Variants in HHATL observed in about 807,000 individuals in gnomAD.
The protein encoded by HHATL is hedgehog acyltransferase like, also known as protein-cysteine N-palmitoyltransferase HHAT-like protein.
A neutral mutation model predicts 59.7 loss-of-function variants in HHATL; 49 were observed. That is an observed-to-expected ratio of 0.82 (90% CI 0.65 to 1.04). The LOEUF is 1.04. Among genes scored for constraint, HHATL ranks in the 50% least tolerant of loss-of-function variants. HHATL has a pLI of 0.00. For missense variants in HHATL, 605 were observed against 650.8 expected, an observed-to-expected ratio of 0.93 and a Z score of 0.77; for synonymous variants, 238 against 257.3, an observed-to-expected ratio of 0.93 and a Z score of 0.72.
At chr3:42,699,198 A>G (rs1287465304) in intron 3 of HHATL, 53 bp from the exon 4 acceptor site, 6 of 1,332,068 alleles carry the variant, frequency 4.5e-6, no homozygotes, top group African/African-American at 4.3e-5. Flanking sequence ...GGGAGAGGGG[A>G]CAGGACGAGC....
chr3:42,699,196 G>T (rs368912859), intron 3 of HHATL, 51 bp from the exon 4 acceptor site: 53 of 1,350,612 alleles, frequency 3.9e-5, no homozygotes, highest in Non-Finnish European at 4.7e-5. Flanking sequence ...GTGGGAGAGG[G>T]GACAGGACGA....
At position 42,693,629 on chromosome 3, in the gene HHATL, T is replaced by A; in HGVS notation, c.1236A>T (p.Leu412=). 1 of 1,613,970 alleles carries A rather than the reference T, an allele frequency of 6.2e-7. No homozygotes were observed. The highest frequency in any genetic ancestry group is 8.5e-7 in the Non-Finnish European group (1 of 1,179,942). ...CTTCCCTGCTCACCTCAATTCGTGC[T>A]AGGGGCCCCCACTCTGCCAGTTTTT... The part of the protein sequence containing the change: ...WMQKLAEWGP[L]ARIEASLSVQ... Residue 412 remains leucine, a synonymous_variant, in exon 10 of 12, where the codon CTA becomes CTT. Transcript: ENST00000441594.
chr3:42,701,751 GC>G lies in HHATL; in HGVS notation c.-14+827del, dbSNP rs1374950794. ...CTAGCACCTTTACCCTTCCTATCCC[GC>G]TTCAGCCTGGCTCAGGGGCTTCCCA... On this transcript the variant is annotated intron_variant, in intron 1 of 11. Transcript: ENST00000441594. This position sits in a 1 kb window ranked among gnomAD's most constrained non-coding sequence, Gnocchi z 5.1. Among the ~76,000 whole-genome samples the G allele has an allele frequency of 6.6e-6, 1 of 152,186 alleles. No individual in the cohort carries two copies. Among genetic ancestry groups the G allele is most frequent in the African/African-American group, 2.4e-5 (1 of 41,444 alleles).
intron 2 of HHATL, 39 bp from the exon 3 acceptor site, chr3:42,699,864 C>T (rs1180330072): frequency 6.6e-7 from 1 of 1,509,476 alleles, no homozygotes; most frequent in Middle Eastern, 1.7e-4. Flanking sequence ...GGGGCCTTCA[C>T]ATCCCCTGCC....
Position 42,692,689 on chromosome 3 carries a change from C to T in HHATL, c.*62G>A, listed in dbSNP as rs951357054. Reference sequence around the variant, plus strand: ...GTTGTAGAAAAGTCTTTTATTCTATCGGTCAGGCCCCATCTGGCCCAAGAA... The same window carrying T: ...GTTGTAGAAAAGTCTTTTATTCTATTGGTCAGGCCCCATCTGGCCCAAGAA... On this transcript the variant is annotated 3_prime_UTR_variant, in exon 12 of 12. Transcript: ENST00000441594. The T allele has an allele frequency of 3.7e-6, 6 of 1,609,540 alleles. No homozygotes were observed. The highest frequency in any genetic ancestry group is 2.7e-5 in the African/African-American group (2 of 74,754).
At chr3:42,694,113 T>C (rs529279548) in intron 9 of HHATL, 1 of 439,736 alleles carries the variant, frequency 2.3e-6, no homozygotes, top group African/African-American at 2.0e-5. Context: ...TTTAGCCCAG[T>C]CTCTCCTGAT....
At position 42,697,183 on chromosome 3, in the gene HHATL, G is replaced by A. The variant is rs140864048; in HGVS notation, c.866-38C>T. The A allele has an allele frequency of 3.6e-4, 542 of 1,506,050 alleles. 3 individuals are homozygous for A. In the African/African-American group the frequency reaches 5.5e-3, roughly 15 times the overall value. 93.3% of individuals were successfully genotyped at this position (1,506,050 alleles called of 1,614,324 possible). On this transcript the variant is annotated intron_variant, in intron 7 of 11. Transcript: ENST00000441594. ...CACTGTCACTGCCTGGGGTCCAATC[G>A]CCTGGGGCCTGCCCCCATGAAGACC...
chr3:42,698,779 G>A lies in HHATL; in HGVS notation c.412C>T (p.Pro138Ser). 6.2e-7 allele frequency: 1 copy of A among 1,612,522 alleles called. No homozygotes were observed. The highest frequency in any genetic ancestry group is 8.5e-7 in the Non-Finnish European group (1 of 1,179,474). Residue 138 changes from proline to serine, a missense_variant, in exon 5 of 12, where the codon CCC becomes TCC. Transcript: ENST00000441594. ...AAGCCAAGGCCAAGACAGAGCCAGG[G>A]CTGGCCCAAAAGCGAGGCCACATAG... is the stretch of plus-strand genomic sequence containing the variant. Reference protein sequence around the residue: ...GLYVASLLGQPWLCLGLGLAS... With the variant: ...GLYVASLLGQSWLCLGLGLAS...
Position 42,696,877 on chromosome 3 carries a change from C to T in HHATL, c.1011G>A (p.Thr337=). 6.2e-7 allele frequency: 1 copy of T among 1,614,160 alleles called. No individual in the cohort carries two copies. The highest frequency in any genetic ancestry group is 8.5e-7 in the Non-Finnish European group (1 of 1,180,004). ...AGTCGTTGATGCCACGGTCAAAGTG[C>T]CTGTAAGAGGAAAGCAGATGGGCAT... ...CITALYVFAE[T]HFDRGINDWL... The change falls in exon 9 of 12, where the codon ACG becomes ACA. Residue 337 remains threonine, a splice_region_variant and synonymous_variant. Transcript: ENST00000441594.
At chr3:42,698,975 C>T in intron 4 of HHATL, 57 bp downstream of exon 4, 2 of 1,611,224 alleles carry the variant, frequency 1.2e-6, no homozygotes, top group South Asian at 2.2e-5. Context: ...TTCCCACAAC[C>T]CTTGTGGTGA....
At chr3:42,700,926 C>T in intron 1 of HHATL, 87 bp from the exon 2 acceptor site, 1 of 843,072 alleles carries the variant, frequency 1.2e-6, no homozygotes, top group Non-Finnish European at 1.9e-6. Flanking sequence ...TGGGGACCCA[C>T]TCTGAAGAGA....
rs959751660 is a variant in HHATL at position 42,694,281 on chromosome 3, C to T, written c.1047-463G>A. ...GCCATCTTGGATTCTCAGTTTGCCT[C>T]ATCACCCACATCCAAGCAAGCCAGC... On this transcript the variant is annotated intron_variant, in intron 9 of 11. Transcript: ENST00000441594. 5 of 170,650 alleles carry T rather than the reference C, an allele frequency of 2.9e-5. No homozygotes were observed. The South Asian group carries it at 6.0e-4, about 21-fold the overall frequency. 10.6% of individuals were successfully genotyped at this position (170,650 alleles called of 1,614,324 possible). A position where few individuals can be genotyped will look rare whatever the true frequency, so the allele number is the denominator to read the frequency against.
In HHATL at chr3:42,696,831, C is replaced by G. The variant is rs914520010; in HGVS notation, c.1046+11G>C. 1 of 1,613,790 alleles carries G rather than the reference C, an allele frequency of 6.2e-7. No homozygotes were observed. The highest frequency in any genetic ancestry group is 8.5e-7 in the Non-Finnish European group (1 of 1,179,902). Reference sequence around the variant, plus strand: ...GATGGCTGTGACCACCCCCACCCCACTCCTACTCACTTGCAAAGCCAGTCG... The same window carrying G: ...GATGGCTGTGACCACCCCCACCCCAGTCCTACTCACTTGCAAAGCCAGTCG... On this transcript the variant is annotated intron_variant, in intron 9 of 11. Transcript: ENST00000441594.
At chr3:42,694,225 CCATT>C (rs1205091906) in intron 9 of HHATL, 1 of 215,450 alleles carries the variant, frequency 4.6e-6, no homozygotes, top group Admixed American at 5.1e-5. Context: ...GCACCACCAT[CCATT>C]CAGTTGCTCA....
At position 42,693,138 on chromosome 3, in the gene HHATL, G is replaced by A. The variant is rs1276575222; in HGVS notation, c.1329C>T (p.Asn443=). The part of the protein sequence containing the change: ...AMNFWAIIMY[N]LVSLNSLKFT... ...ATTTGAGGCTGTTCAGGCTCACAAGGTTGTACATGATGATGGCCCAGAAGT... is the reference window on the plus strand; with the variant it reads ...ATTTGAGGCTGTTCAGGCTCACAAGATTGTACATGATGATGGCCCAGAAGT... The change falls in exon 11 of 12, where the codon AAC becomes AAT. Residue 443 remains asparagine, a synonymous_variant. Transcript: ENST00000441594. The A allele has an allele frequency of 5.0e-6, 8 of 1,614,204 alleles. No homozygotes were observed. Among genetic ancestry groups the A allele is most frequent in the Non-Finnish European group, 6.8e-6 (8 of 1,180,036 alleles).
rs779148223 is a variant in HHATL, at chr3:42,693,140, T to G, written c.1327A>C (p.Asn443His). 2.0e-5 allele frequency: 32 copies of G among 1,614,028 alleles called. No homozygotes were observed. In the South Asian group the frequency reaches 3.1e-4, roughly 16 times the overall value. The change falls in exon 11 of 12, where the codon AAC becomes CAC. Residue 443 changes from asparagine to histidine, a missense_variant. Physicochemically the swap from Asn to His is moderately conservative, Grantham distance 68. Coordinates refer to ENST00000441594, the MANE Select transcript of HHATL (RefSeq NM_020707.4). ...TTGAGGCTGTTCAGGCTCACAAGGT[T>G]GTACATGATGATGGCCCAGAAGTTC... Reference protein sequence around the residue: ...AMNFWAIIMYNLVSLNSLKFT... With the variant: ...AMNFWAIIMYHLVSLNSLKFT...
intron 2 of HHATL, among the ~76,000 whole-genome samples, chr3:42,700,345 T>C (rs116192844): frequency 1.4e-5 from 2 of 147,784 alleles, no homozygotes; most frequent in Non-Finnish European, 3.0e-5. Context: ...TGTGTGTGTG[T>C]CTGGGTCTAG....
Position 42,692,963 on chromosome 3 carries a change from G to T in HHATL, c.1391-88C>A, listed in dbSNP as rs555977628. 7.6e-6 allele frequency: 12 copies of T among 1,580,238 alleles called. No individual in the cohort carries two copies. The East Asian group carries it at 1.1e-4, about 15-fold the overall frequency. On this transcript the variant is annotated intron_variant, in intron 11 of 11. Coordinates refer to ENST00000441594, the MANE Select transcript of HHATL (RefSeq NM_020707.4). ...TCCCACCCCTCTCCCCGCTTGATGG[G>T]CCCTCCCTTCTGAGTCCCAGGGGTG...
rs1488115292 is a variant in HHATL at position 42,692,894 on chromosome 3, A to G, written c.1391-19T>C. On this transcript the variant is annotated intron_variant, in intron 11 of 11. Coordinates refer to ENST00000441594, the MANE Select transcript of HHATL (RefSeq NM_020707.4). ...GGGAACCCTGTGTGGGGAGGGAGTC[A>G]TAGATGCTCAGGAGCAGCACTGCAT... 13 of 1,612,274 alleles carry G rather than the reference A, an allele frequency of 8.1e-6. No individual in the cohort carries two copies. The highest frequency in any genetic ancestry group is 1.1e-5 in the Non-Finnish European group (13 of 1,178,360).
Sources: allele counts gnomAD v4.1 joint callset (sites outside exome capture counted in the v4.1 genomes callset), GRCh38; gene constraint gnomAD v4.1.1; non-coding constraint Gnocchi (gnomAD v3.1); transcripts MANE v1.5; gene names NCBI Gene and HGNC (gene_info 2026-07-23, HGNC 2026-07-21).